Variants in KIF6 observed in about 807,000 individuals in gnomAD.
KIF6 encodes the protein kinesin-like protein KIF6.
Under a neutral mutation model 112.7 loss-of-function variants are expected in KIF6, and 106 were observed. The ratio of observed to expected loss-of-function variants is 0.94; its 90% CI spans 0.80 to 1.11. The LOEUF is 1.11. KIF6 is among the 50% of genes least tolerant of loss of function. The probability of loss-of-function intolerance (pLI) is 0.00; values close to 1 mark genes in which losing one functional copy is unlikely to be tolerated. For synonymous variants in KIF6, 339 were observed against 339.9 expected, an observed-to-expected ratio of 1.00 and a Z score of 0.03; for missense variants, 929 against 964.0, an observed-to-expected ratio of 0.96 and a Z score of 0.48.
At chr6:39,492,921 C>T (rs1401028521) in intron 13 of KIF6, among the ~76,000 whole-genome samples, 2 of 152,178 alleles carry the variant, frequency 1.3e-5, no homozygotes, top group Admixed American at 6.5e-5. Flanking sequence ...TTGTGACTTC[C>T]TTTTCTCATT....
chr6:39,544,806 C>T, intron 11 of KIF6, 113 bp from the exon 12 acceptor site: 1 of 550,034 alleles, frequency 1.8e-6, no homozygotes, highest in Non-Finnish European at 3.1e-6. Context: ...TGTGACCTGT[C>T]TGATGCAGGT....
chr6:39,482,312 T>C (rs1453481572), intron 13 of KIF6, among the ~76,000 whole-genome samples: 2 of 152,180 alleles, frequency 1.3e-5, no homozygotes, highest in Admixed American at 6.5e-5. Flanking sequence ...GGAGGTCTCA[T>C]GTAAATTCTT....
rs777736732 is a variant in KIF6 at position 39,420,017 on chromosome 6, A to G, written c.1755-14T>C. 1.9e-6 allele frequency: 3 copies of G among 1,600,298 alleles called. No homozygotes were observed. The highest frequency in any genetic ancestry group is 1.7e-5 in the Admixed American group (1 of 59,964). ...GCTTCAGAAAATCTGGAGGGGAAAA[A>G]AATGAAAATTGTAGTTTTTCTGTTC... is the stretch of plus-strand genomic sequence containing the variant. On this transcript the variant is annotated splice_polypyrimidine_tract_variant and intron_variant, in intron 14 of 22. Coordinates refer to ENST00000287152, the MANE Select transcript of KIF6 (RefSeq NM_145027.6).
chr6:39,645,982 A>AG (rs1162738668), intron 3 of KIF6, among the ~76,000 whole-genome samples: 2 of 144,212 alleles, frequency 1.4e-5, no homozygotes, highest in African/African-American at 5.0e-5. Context: ...GGGTGGGGGC[A>AG]GGGGGGAGGG....
chr6:39,712,351 G>C (rs1285962013), intron 3 of KIF6, among the ~76,000 whole-genome samples: 1 of 151,748 alleles, frequency 6.6e-6, no homozygotes, highest in Non-Finnish European at 1.5e-5. Context: ...AAGGAGAAAA[G>C]TAATAAAAAG....
chr6:39,486,527 A>G (rs558749557), intron 13 of KIF6, among the ~76,000 whole-genome samples: 1 of 152,334 alleles, frequency 6.6e-6, no homozygotes, highest in South Asian at 2.1e-4. Flanking sequence ...TAATAAAATG[A>G]TTGCTGCTTT....
chr6:39,400,618 G>A (rs1215113984), intron 15 of KIF6, among the ~76,000 whole-genome samples: 1 of 152,118 alleles, frequency 6.6e-6, no homozygotes, highest in Non-Finnish European at 1.5e-5. Flanking sequence ...TCTTGCTTTG[G>A]GGGAGTCATG....
chr6:39,368,581 G>C (rs1476795328), intron 16 of KIF6, among the ~76,000 whole-genome samples: 1 of 152,190 alleles, frequency 6.6e-6, no homozygotes, highest in African/African-American at 2.4e-5. Flanking sequence ...GACAGTCTTA[G>C]TGTCTTCCCC....
At chr6:39,541,362 C>T (rs1346396446) in intron 12 of KIF6, among the ~76,000 whole-genome samples, 2 of 152,242 alleles carry the variant, frequency 1.3e-5, no homozygotes, top group Non-Finnish European at 2.9e-5. Flanking sequence ...AAAATGTTCA[C>T]AGCTTCTTAG....
chr6:39,339,280 A>T (rs1246328775), intron 22 of KIF6, among the ~76,000 whole-genome samples: 1 of 152,008 alleles, frequency 6.6e-6, no homozygotes, highest in Non-Finnish European at 1.5e-5. Flanking sequence ...TTTAATGGAG[A>T]TTATCTGGGA....
chr6:39,703,987 A>G (rs1263286646), intron 3 of KIF6, among the ~76,000 whole-genome samples: 1 of 152,222 alleles, frequency 6.6e-6, no homozygotes, highest in African/African-American at 2.4e-5. Flanking sequence ...GTTTATTTGT[A>G]AGTGTATCCT....
intron 3 of KIF6, among the ~76,000 whole-genome samples, chr6:39,704,548 G>C (rs897919869): frequency 6.6e-6 from 1 of 152,132 alleles, no homozygotes; most frequent in African/African-American, 2.4e-5. Flanking sequence ...AAGCTGGGTG[G>C]CAGAGGTTGC....
At chr6:39,566,648 A>C (rs1024964701) in intron 10 of KIF6, among the ~76,000 whole-genome samples, 6 of 152,224 alleles carry the variant, frequency 3.9e-5, no homozygotes, top group Non-Finnish European at 8.8e-5. Flanking sequence ...AAATATACAA[A>C]AATCATACAA....
intron 3 of KIF6, chr6:39,690,999 A>G (rs915333900): frequency 5.3e-5 from 8 of 152,236 alleles, no homozygotes; most frequent in African/African-American, 1.4e-4. Flanking sequence ...TTTCAGAGAA[A>G]CAATGAATAA....
intron 13 of KIF6, among the ~76,000 whole-genome samples, chr6:39,538,336 C>G (rs1055029644): frequency 1.6e-4 from 25 of 151,788 alleles, no homozygotes; most frequent in African/African-American, 3.6e-4. Context: ...GGGCTAATAT[C>G]CAGAATCTAC....
intron 3 of KIF6, among the ~76,000 whole-genome samples, chr6:39,642,331 G>A (rs907234396): frequency 1.4e-4 from 22 of 152,156 alleles, no homozygotes; most frequent in African/African-American, 5.1e-4. Context: ...GGAACCATGA[G>A]CTTTGTGGTA....
chr6:39,337,062 TTCTTTC>T (rs1221770633), intron 22 of KIF6, among the ~76,000 whole-genome samples: 1 of 125,106 alleles, frequency 8.0e-6, no homozygotes, highest in African/African-American at 2.8e-5. Flanking sequence ...CTTTCTTTCT[TTCTTTC>T]TCTTTCCTTT....
chr6:39,606,488 C>A (rs1782897096), intron 6 of KIF6, among the ~76,000 whole-genome samples: 1 of 152,030 alleles, frequency 6.6e-6, no homozygotes, highest in Non-Finnish European at 1.5e-5. Flanking sequence ...CATGACTATC[C>A]CTTTCCTAAA....
intron 13 of KIF6, among the ~76,000 whole-genome samples, chr6:39,471,459 G>A (rs1461264355): frequency 6.6e-6 from 1 of 152,098 alleles, no homozygotes; most frequent in East Asian, 1.9e-4. Context: ...CTGGTCACAG[G>A]GCCAGCGCTC....
Sources: gnomAD v4.1 joint callset for allele counts (sites outside exome capture counted in the v4.1 genomes callset) on GRCh38, gnomAD v4.1.1 for gene constraint, MANE v1.5 for transcripts, NCBI Gene and HGNC (gene_info 2026-07-23, HGNC 2026-07-21) for gene names.